HECTD2: variants seen among roughly 807,000 people sequenced by gnomAD.
HECTD2 encodes the protein HECT domain E3 ubiquitin protein ligase 2.
A neutral mutation model predicts 103.2 loss-of-function variants in HECTD2; 35 were observed. The observed-to-expected ratio is 0.34, with a 90% CI of 0.26 to 0.45. The LOEUF (loss-of-function observed/expected upper bound fraction) is 0.45. HECTD2 is among the 20% of genes least tolerant of loss of function. The pLI, the probability that HECTD2 is intolerant of heterozygous loss-of-function variation, is 1.00. For missense variants in HECTD2, 596 were observed against 937.4 expected (o/e 0.64, Z 4.76); for synonymous variants, 281 against 329.9 (o/e 0.85, Z 1.61).
At chr10:91,411,542 C>T (rs1359563411) in intron 1 of HECTD2, among the ~76,000 whole-genome samples, 2 of 152,188 alleles carry the variant, frequency 1.3e-5, no homozygotes, top group Non-Finnish European at 2.9e-5. Flanking sequence ...TAAAACCTCC[C>T]TCTTAAATGA....
At chr10:91,428,418 T>G (rs375342246) in intron 2 of HECTD2, among the ~76,000 whole-genome samples, 8 of 151,742 alleles carry the variant, frequency 5.3e-5, no homozygotes, top group African/African-American at 1.9e-4. Context: ...GTGAAGAAAG[T>G]CATTGGTAGC....
At chr10:91,485,427 A>G (rs1846231676) in intron 10 of HECTD2, 124 bp downstream of exon 10, 1 of 642,432 alleles carries the variant, frequency 1.6e-6, no homozygotes, top group African/African-American at 1.9e-5. Context: ...TATAGTTCAG[A>G]TAGCCTTGAA....
intron 20 of HECTD2, among the ~76,000 whole-genome samples, chr10:91,502,209 C>A (rs1208406389): frequency 2.0e-5 from 3 of 152,158 alleles, no homozygotes; most frequent in Non-Finnish European, 1.5e-5. Flanking sequence ...TCTTCTACCC[C>A]AGGCTATCTA....
chr10:91,423,354 A>G (rs1226448818), intron 1 of HECTD2, among the ~76,000 whole-genome samples: 1 of 152,196 alleles, frequency 6.6e-6, no homozygotes, highest in African/African-American at 2.4e-5. Flanking sequence ...AATGTATTAA[A>G]GTAGGTACTG....
At chr10:91,462,509 T>A in intron 5 of HECTD2, 1 of 1,098,426 alleles carries the variant, frequency 9.1e-7, no homozygotes, top group Non-Finnish European at 1.1e-6. Flanking sequence ...TCTTAAACAT[T>A]AGCCTGTATC....
intron 10 of HECTD2, chr10:91,485,591 G>A: frequency 4.5e-6 from 1 of 224,130 alleles, no homozygotes; most frequent in Non-Finnish European, 8.6e-6. Flanking sequence ...CTATGCACAG[G>A]GGTCAGCAAA....
At chr10:91,468,361 A>G (rs1313514863) in intron 5 of HECTD2, among the ~76,000 whole-genome samples, 2 of 152,118 alleles carry the variant, frequency 1.3e-5, no homozygotes, top group Non-Finnish European at 2.9e-5. Context: ...TTATACCACA[A>G]TCAAACCCAC....
chr10:91,475,124 C>G lies in HECTD2; in HGVS notation c.601-3077C>G, dbSNP rs116438573. 9.0e-3 allele frequency among the ~76,000 whole-genome samples: 1,377 copies of G among 152,178 alleles called. 24 individuals are homozygous for G. Among genetic ancestry groups the G allele is most frequent in the African/African-American group, 0.032 (1,322 of 41,522 alleles). Reference sequence around the variant, plus strand: ...GTAATGGAAAGTCATTGAGTGTTTTCGGCAGGGATCATTTATAGTTAAGAA... The same window carrying G: ...GTAATGGAAAGTCATTGAGTGTTTTGGGCAGGGATCATTTATAGTTAAGAA... On this transcript the variant is annotated intron_variant, in intron 5 of 20. Coordinates refer to ENST00000298068, the MANE Select transcript of HECTD2 (RefSeq NM_182765.6).
At chr10:91,473,084 T>G (rs1845785761) in intron 5 of HECTD2, among the ~76,000 whole-genome samples, 1 of 152,086 alleles carries the variant, frequency 6.6e-6, no homozygotes. Context: ...CCTGGGAGTT[T>G]CCCATAACTG....
At chr10:91,473,329 GA>G (rs1845794329) in intron 5 of HECTD2, among the ~76,000 whole-genome samples, 1 of 152,088 alleles carries the variant, frequency 6.6e-6, no homozygotes, top group Non-Finnish European at 1.5e-5. Flanking sequence ...TAAAAGAAAA[GA>G]ATATAAACAT....
chr10:91,443,274 G>A (rs557103630), intron 2 of HECTD2, among the ~76,000 whole-genome samples: 17 of 102,122 alleles, frequency 1.7e-4, no homozygotes, highest in Non-Finnish European at 2.6e-4. Flanking sequence ...TTTTTGTGTG[G>A]ACATCCTTTT....
chr10:91,420,650 G>C (rs1265823725), intron 1 of HECTD2, among the ~76,000 whole-genome samples: 1 of 151,960 alleles, frequency 6.6e-6, no homozygotes, highest in African/African-American at 2.4e-5. Flanking sequence ...TGGCAAAAGA[G>C]AATTTATTGG....
At chr10:91,426,127 G>A (rs1476720707) in intron 2 of HECTD2, among the ~76,000 whole-genome samples, 2 of 151,994 alleles carry the variant, frequency 1.3e-5, no homozygotes, top group Non-Finnish European at 2.9e-5. Flanking sequence ...TTTAAGTGCA[G>A]GGAATCCTTT....
intron 4 of HECTD2, 114 bp from the exon 5 acceptor site, chr10:91,461,977 CTTTT>C: frequency 1.3e-6 from 1 of 752,656 alleles, no homozygotes; most frequent in Middle Eastern, 2.9e-4. Flanking sequence ...CCTAACAGTT[CTTTT>C]TTATTATCAG....
Position 91,512,416 on chromosome 10 carries a change from G to T in HECTD2, c.*32G>T. The T allele has an allele frequency of 1.3e-6, 2 of 1,584,956 alleles. No homozygotes were observed. Among genetic ancestry groups the T allele is most frequent in the Non-Finnish European group, 1.7e-6 (2 of 1,157,324 alleles). On this transcript the variant is annotated 3_prime_UTR_variant, in exon 21 of 21. Transcript: ENST00000298068. The stretch of plus-strand genomic sequence containing the variant: ...AGACTTGAAATATAATCTTTTATAT[G>T]TAGCATTCACTTCCCTCTTACTGTG...
intron 14 of HECTD2, among the ~76,000 whole-genome samples, chr10:91,495,730 T>G (rs1846641875): frequency 6.6e-6 from 1 of 152,108 alleles, no homozygotes; most frequent in Non-Finnish European, 1.5e-5. Flanking sequence ...CAATAGCATG[T>G]TTATATCCAT....
intron 20 of HECTD2, among the ~76,000 whole-genome samples, chr10:91,502,167 T>C (rs1166258149): frequency 1.3e-5 from 2 of 152,198 alleles, no homozygotes; most frequent in Non-Finnish European, 2.9e-5. Flanking sequence ...GTTTAAGTTC[T>C]AGAATCCAGA....
chr10:91,445,596 G>A (rs1341165927), intron 2 of HECTD2, among the ~76,000 whole-genome samples: 1 of 152,150 alleles, frequency 6.6e-6, no homozygotes, highest in African/African-American at 2.4e-5. Flanking sequence ...TGGCTGGCAA[G>A]TCAGCCGAAT....
Position 91,425,346 on chromosome 10 carries a change from G to A in HECTD2, c.204G>A (p.Pro68=), listed in dbSNP as rs373907920. 36 of 1,559,426 alleles carry A rather than the reference G, an allele frequency of 2.3e-5. No individual in the cohort carries two copies. Among genetic ancestry groups the A allele is most frequent in the Admixed American group, 3.5e-5 (2 of 56,868 alleles). Residue 68 remains proline, a synonymous_variant, in exon 2 of 21, where the codon CCG becomes CCA. Transcript: ENST00000298068. The part of the protein sequence containing the change: ...TFSSFISAVS[P]KKEAAENRSS... ...GCAGTTTTATTTCAGCTGTTAGCCC[G>A]AAGAAAGAAGCTGCTGAAAACAGAA...
Sources: allele counts gnomAD v4.1 joint callset (sites outside exome capture counted in the v4.1 genomes callset), GRCh38; gene constraint gnomAD v4.1.1; transcripts MANE v1.5; gene names NCBI Gene and HGNC (gene_info 2026-07-23, HGNC 2026-07-21).